IRAG2: variants seen among roughly 807,000 people sequenced by gnomAD.
IRAG2 encodes the protein lymphoid restricted membrane protein.
Under a neutral mutation model 69.9 loss-of-function variants are expected in IRAG2, and 45 were observed. The observed-to-expected ratio is 0.64, with a 90% CI of 0.51 to 0.83. The LOEUF is 0.83. IRAG2 is among the 40% of genes least tolerant of loss of function. IRAG2 has a pLI of 0.00. For synonymous variants in IRAG2, 193 were observed against 202.4 expected (o/e 0.95, Z 0.40); for missense variants, 520 against 587.0 (o/e 0.89, Z 1.18).
chr12:25,058,540 A>G (rs1271401692), intron 1 of IRAG2, among the ~76,000 whole-genome samples: 1 of 152,212 alleles, frequency 6.6e-6, no homozygotes, highest in Non-Finnish European at 1.5e-5. Context: ...AATTTTACAG[A>G]ACATGAGGTT....
chr12:25,104,476 A>C lies in IRAG2; in HGVS notation c.1148+14A>C. On this transcript the variant is annotated intron_variant, in intron 20 of 21. Coordinates refer to ENST00000556887, the MANE Select transcript of IRAG2 (RefSeq NM_001366544.2). The stretch of plus-strand genomic sequence containing the variant: ...ATGTGAACTAAAGTAGGTGAAGCTC[A>C]GTGTGTTTATTAACCTGACATGAAC... 2.4e-5 allele frequency: 36 copies of C among 1,471,488 alleles called. No homozygotes were observed. Among genetic ancestry groups the C allele is most frequent in the African/African-American group, 5.5e-5 (4 of 72,456 alleles). The allele number at this position is 1,471,488 out of a possible 1,614,324, so 91.2% of individuals were successfully genotyped here. A position where few individuals can be genotyped will look rare whatever the true frequency, so the allele number is the denominator to read the frequency against.
chr12:25,084,137 C>T (rs1435853275), intron 10 of IRAG2, among the ~76,000 whole-genome samples: 1 of 152,116 alleles, frequency 6.6e-6, no homozygotes, highest in African/African-American at 2.4e-5. Context: ...CCTGTAATCC[C>T]AGCACTTTGA....
At chr12:25,038,751 C>T (rs998894965) in intron 16 of IRAG2, among the ~76,000 whole-genome samples, 2 of 151,976 alleles carry the variant, frequency 1.3e-5, no homozygotes, top group African/African-American at 2.4e-5. Flanking sequence ...CTTAGAGAGC[C>T]TCTAGTAACC....
intron 3 of IRAG2, among the ~76,000 whole-genome samples, chr12:25,012,886 G>C (rs1015870612): frequency 4.6e-5 from 7 of 152,196 alleles, no homozygotes; most frequent in Non-Finnish European, 7.3e-5. Flanking sequence ...GGTAGGATTA[G>C]GATGTATAGA....
At chr12:25,058,377 A>G (rs1230657353) in intron 1 of IRAG2, among the ~76,000 whole-genome samples, 1 of 152,172 alleles carries the variant, frequency 6.6e-6, no homozygotes, top group Non-Finnish European at 1.5e-5. Flanking sequence ...GCCATTGTAT[A>G]TCTTCTTTGT....
intron 2 of IRAG2, among the ~76,000 whole-genome samples, chr12:25,010,773 G>C (rs1371860081): frequency 6.6e-6 from 1 of 152,108 alleles, no homozygotes; most frequent in South Asian, 2.1e-4. Flanking sequence ...CCCAAGGCAG[G>C]CCTTTGATGG....
chr12:25,034,210 T>G (rs976432074), intron 13 of IRAG2, among the ~76,000 whole-genome samples: 1 of 152,220 alleles, frequency 6.6e-6, no homozygotes, highest in Non-Finnish European at 1.5e-5. Context: ...CTTTGTTTTC[T>G]TGACAGGACA....
In IRAG2 at chr12:25,108,194, T is replaced by TTCC. The variant is rs1298812631; in HGVS notation, c.*137_*139dup. 1.0e-6 allele frequency: 1 copy of TTCC among 1,004,264 alleles called. No individual in the cohort carries two copies. The highest frequency in any genetic ancestry group is 1.4e-6 in the Non-Finnish European group (1 of 699,890). 62.2% of individuals were successfully genotyped at this position (1,004,264 alleles called of 1,614,324 possible). Reference sequence around the variant, plus strand: ...AGAATGACTGTAAGATAGCTTACATTTCCTCTTTTTGCCTTTATCTCCCCA... The same window carrying TTCC: ...AGAATGACTGTAAGATAGCTTACATTTCCTCCTCTTTTTGCCTTTATCTCCCCA... On this transcript the variant is annotated 3_prime_UTR_variant, in exon 22 of 22. Transcript: ENST00000556887.
At chr12:25,089,480 C>T in intron 11 of IRAG2, 134 bp from the exon 12 acceptor site, 1 of 584,336 alleles carries the variant, frequency 1.7e-6, no homozygotes, top group Non-Finnish European at 3.0e-6. Flanking sequence ...TAAGTGCATA[C>T]ATTATTAGCT....
At chr12:25,053,467 A>G (rs959836430) in intron 1 of IRAG2, among the ~76,000 whole-genome samples, 1 of 152,100 alleles carries the variant, frequency 6.6e-6, no homozygotes, top group African/African-American at 2.4e-5. Flanking sequence ...GTTTTAATGC[A>G]TTCTCTACAT....
chr12:25,021,091 C>CTTTTTTTTTTTTTTTTTTTTTTTTTT (rs71063389), intron 7 of IRAG2: 2 of 266,024 alleles, frequency 7.5e-6, no homozygotes, highest in African/African-American at 2.4e-5. Flanking sequence ...TCTTTCTTTT[C>CTTTTTTTTTTTTTTTTTTTTTTTTTT]TTTTTTTTTT....
intron 6 of IRAG2, among the ~76,000 whole-genome samples, chr12:25,074,947 T>C (rs1379847109): frequency 1.3e-5 from 2 of 152,208 alleles, no homozygotes; most frequent in African/African-American, 4.8e-5. Context: ...CCAAGTTGTA[T>C]GTGGGTGCAG....
At chr12:25,102,480 G>A in intron 17 of IRAG2, 1 of 480,078 alleles carries the variant, frequency 2.1e-6, no homozygotes, top group South Asian at 2.5e-5. Context: ...GTGTAAAACT[G>A]AAGTTGGAAG....
intron 3 of IRAG2, 98 bp from the exon 4 acceptor site, chr12:25,063,622 C>T (rs1440212264): frequency 1.3e-5 from 5 of 397,556 alleles, no homozygotes; most frequent in African/African-American, 4.1e-5. Context: ...TCACTTGAGA[C>T]TAGTGATATT....
At chr12:25,026,784 A>G (rs2139842316) in intron 8 of IRAG2, 2 of 1,202,446 alleles carry the variant, frequency 1.7e-6, no homozygotes, top group Admixed American at 4.2e-5. Flanking sequence ...TATCTTTTAC[A>G]TTAGAATTTC....
intron 13 of IRAG2, chr12:25,035,479 C>G (rs1944696123): frequency 5.1e-6 from 2 of 392,460 alleles, no homozygotes; most frequent in African/African-American, 2.1e-5. Context: ...TTGGAGCCAT[C>G]CCAGAGAGAA....
chr12:25,098,700 C>T (rs1565586721), intron 15 of IRAG2, among the ~76,000 whole-genome samples: 1 of 152,176 alleles, frequency 6.6e-6, no homozygotes, highest in Non-Finnish European at 1.5e-5. Flanking sequence ...AACAAAATAA[C>T]TTTTTATCCT....
chr12:25,079,105 C>T, intron 6 of IRAG2, 139 bp from the exon 7 acceptor site: 2 of 764,526 alleles, frequency 2.6e-6, no homozygotes, highest in Non-Finnish European at 4.5e-6. Flanking sequence ...CTATACCATC[C>T]CATTCCCATA....
intron 9 of IRAG2, chr12:25,030,237 G>A: frequency 8.3e-7 from 1 of 1,203,658 alleles, no homozygotes; most frequent in Non-Finnish European, 1.0e-6. Context: ...TTTTACCAAA[G>A]CAATGTCCCA....
Sources: gnomAD v4.1 joint callset for allele counts (sites outside exome capture counted in the v4.1 genomes callset) on GRCh38, gnomAD v4.1.1 for gene constraint, MANE v1.5 for transcripts, NCBI Gene and HGNC (gene_info 2026-07-23, HGNC 2026-07-21) for gene names.